DEPTOR: variants seen among roughly 807,000 people sequenced by gnomAD.
The protein encoded by DEPTOR is DEP domain containing MTOR interacting protein, also known as DEP domain-containing mTOR-interacting protein.
A neutral mutation model predicts 41.6 loss-of-function variants in DEPTOR; 41 were observed. That is an observed-to-expected ratio of 0.98 (90% CI 0.77 to 1.28). The LOEUF is 1.28. Among genes scored for constraint, DEPTOR ranks in the 50% most tolerant of loss-of-function variants. The pLI, the probability that DEPTOR is intolerant of heterozygous loss-of-function variation, is 0.00. For missense variants in DEPTOR, 514 were observed against 527.9 expected (o/e 0.97, Z 0.26); for synonymous variants, 195 against 192.3 (o/e 1.01, Z -0.12).
At chr8:119,997,958 A>G (rs1000746643) in intron 4 of DEPTOR, among the ~76,000 whole-genome samples, 1 of 152,202 alleles carries the variant, frequency 6.6e-6, no homozygotes, top group Non-Finnish European at 1.5e-5. Context: ...TACAATCCAA[A>G]AAAAGTTGCC....
intron 4 of DEPTOR, among the ~76,000 whole-genome samples, chr8:119,977,304 T>C (rs1563579932): frequency 6.6e-6 from 1 of 152,008 alleles, no homozygotes; most frequent in African/African-American, 2.4e-5. Context: ...CACATGACCA[T>C]GTCTCTGTTT....
chr8:120,013,705 T>G (rs1812566020), intron 8 of DEPTOR, among the ~76,000 whole-genome samples: 1 of 152,178 alleles, frequency 6.6e-6, no homozygotes, highest in Admixed American at 6.5e-5. Context: ...CAGTGTCCCT[T>G]CCTGCACTGA....
chr8:119,991,409 G>A (rs1463370156), intron 4 of DEPTOR, among the ~76,000 whole-genome samples: 1 of 151,890 alleles, frequency 6.6e-6, no homozygotes. Context: ...TCCTCCTCCC[G>A]GGTTCAAGTG....
chr8:119,931,971 ATTAT>A, intron 3 of DEPTOR, among the ~76,000 whole-genome samples: 1 of 146,348 alleles, frequency 6.8e-6, no homozygotes, highest in Non-Finnish European at 1.5e-5. Flanking sequence ...TATTATTATT[ATTAT>A]TATTATTATT....
chr8:120,000,285 A>G (rs1184580567), intron 4 of DEPTOR, among the ~76,000 whole-genome samples: 4 of 152,026 alleles, frequency 2.6e-5, no homozygotes, highest in Non-Finnish European at 4.4e-5. Flanking sequence ...TGCTGTAGCT[A>G]ATACCCCTCC....
At chr8:120,007,300 G>A (rs59096952) in intron 7 of DEPTOR, among the ~76,000 whole-genome samples, 25,356 of 152,074 alleles carry the variant, frequency 0.17, 3,625 homozygotes, top group African/African-American at 0.39. Context: ...TCTGCATTAG[G>A]ATTAATTCTA....
chr8:120,046,763 A>C (rs1813159380), intron 8 of DEPTOR, among the ~76,000 whole-genome samples: 1 of 152,068 alleles, frequency 6.6e-6, no homozygotes, highest in Non-Finnish European at 1.5e-5. Flanking sequence ...GTTGACAAAC[A>C]TTGGGGTCCT....
At chr8:119,927,147 A>C (rs2036485027) in intron 1 of DEPTOR, among the ~76,000 whole-genome samples, 1 of 152,148 alleles carries the variant, frequency 6.6e-6, no homozygotes, top group South Asian at 2.1e-4. Context: ...AGATAGGAGA[A>C]TGAGAAACAG....
At chr8:119,944,642 G>T (rs1283997777) in intron 3 of DEPTOR, among the ~76,000 whole-genome samples, 4 of 148,046 alleles carry the variant, frequency 2.7e-5, no homozygotes, top group Non-Finnish European at 5.9e-5. Context: ...TGATTGCATG[G>T]TAATTCTTTC....
chr8:119,990,251 A>T (rs560555171), intron 4 of DEPTOR, among the ~76,000 whole-genome samples: 1 of 152,164 alleles, frequency 6.6e-6, no homozygotes, highest in East Asian at 1.9e-4. Flanking sequence ...TCCGCCTCCC[A>T]GGTTCACGCC....
intron 8 of DEPTOR, among the ~76,000 whole-genome samples, chr8:120,047,470 T>C (rs185096987): frequency 3.9e-4 from 59 of 152,124 alleles, no homozygotes; most frequent in African/African-American, 1.3e-3. Context: ...CGGGTTCAAG[T>C]GATTCTTCTG....
chr8:120,022,503 A>G (rs1023089000), intron 8 of DEPTOR, among the ~76,000 whole-genome samples: 15 of 152,052 alleles, frequency 9.9e-5, no homozygotes, highest in African/African-American at 3.4e-4. Flanking sequence ...CCTTAAAGAC[A>G]GTAAGAAGGG....
chr8:119,944,336 A>G (rs1828241348), intron 3 of DEPTOR, among the ~76,000 whole-genome samples: 1 of 152,154 alleles, frequency 6.6e-6, no homozygotes, highest in Non-Finnish European at 1.5e-5. Flanking sequence ...ATTGTGTACT[A>G]TGCATGATGT....
At chr8:119,911,404 C>T (rs550158268) in intron 1 of DEPTOR, among the ~76,000 whole-genome samples, 8 of 149,572 alleles carry the variant, frequency 5.3e-5, no homozygotes, top group African/African-American at 1.2e-4. Flanking sequence ...CCACAACCTC[C>T]GTCTCCCGGG....
chr8:119,933,144 G>C (rs534973133), intron 3 of DEPTOR, among the ~76,000 whole-genome samples: 1 of 152,032 alleles, frequency 6.6e-6, no homozygotes, highest in Non-Finnish European at 1.5e-5. Context: ...GACTCATGCC[G>C]CTCTCACCCC....
chr8:119,948,341 G>A (rs942467747), intron 3 of DEPTOR, among the ~76,000 whole-genome samples: 3 of 152,182 alleles, frequency 2.0e-5, no homozygotes, highest in African/African-American at 7.2e-5. Flanking sequence ...GAACCCAGGA[G>A]ATGGAGGCTG....
rs62528678 is a variant in DEPTOR, at chr8:119,929,760, T to G, written c.302-55T>G. The G allele has an allele frequency of 5.5e-3, 8,520 of 1,558,934 alleles. 47 individuals carry two copies. The highest frequency in any genetic ancestry group is 0.015 in the Middle Eastern group (88 of 5,808). ...TTAGCATCATACTTCGCTTGAGTAA[T>G]TAAATAAGAGCGATTTTTTTTCTCA... On this transcript the variant is annotated intron_variant, in intron 2 of 8. Coordinates refer to ENST00000286234, the MANE Select transcript of DEPTOR (RefSeq NM_022783.4).
chr8:119,990,797 A>G (rs1812146976), intron 4 of DEPTOR, among the ~76,000 whole-genome samples: 1 of 152,128 alleles, frequency 6.6e-6, no homozygotes, highest in Non-Finnish European at 1.5e-5. Flanking sequence ...GTGCTAAGGA[A>G]GTAATTATTT....
chr8:119,980,383 C>G (rs2130016678), intron 4 of DEPTOR, among the ~76,000 whole-genome samples: 1 of 152,282 alleles, frequency 6.6e-6, no homozygotes, highest in Middle Eastern at 3.4e-3. Flanking sequence ...TTGGAGAACA[C>G]AGCTCTAGGC....
Sources: allele counts gnomAD v4.1 joint callset (sites outside exome capture counted in the v4.1 genomes callset), GRCh38; gene constraint gnomAD v4.1.1; transcripts MANE v1.5; gene names NCBI Gene and HGNC (gene_info 2026-07-23, HGNC 2026-07-21).